The following UBE4B variants were observed in gnomAD, a reference collection of about 807,000 sequenced individuals.
UBE4B encodes the protein ubiquitin conjugation factor E4 B.
In UBE4B, 27 loss-of-function variants were observed where a neutral mutation model predicts 148.1. That is an observed-to-expected ratio of 0.18 (90% confidence interval 0.13 to 0.25). UBE4B has a LOEUF of 0.25. Among genes scored for constraint, UBE4B ranks in the 10% least tolerant of loss-of-function variants. The probability of loss-of-function intolerance (pLI) is 1.00; values close to 1 mark genes in which losing one functional copy is unlikely to be tolerated. For synonymous variants in UBE4B, 596 were observed against 619.3 expected, an observed-to-expected ratio of 0.96 and a Z score of 0.56; for missense variants, 1,170 against 1,662.4, an observed-to-expected ratio of 0.70 and a Z score of 5.15.
At chr1:10,067,201 G>A (rs900652670) in intron 1 of UBE4B, among the ~76,000 whole-genome samples, 1 of 152,118 alleles carries the variant, frequency 6.6e-6, no homozygotes, top group African/African-American at 2.4e-5. Flanking sequence ...CATCAGGAAC[G>A]TGAGGGTGGG....
intron 2 of UBE4B, among the ~76,000 whole-genome samples, chr1:10,092,281 G>A (rs1014981870): frequency 2.0e-5 from 3 of 152,044 alleles, no homozygotes; most frequent in African/African-American, 4.8e-5. Flanking sequence ...CCGGAGTGCC[G>A]TGGCACGATC....
intron 17 of UBE4B, among the ~76,000 whole-genome samples, chr1:10,138,131 TCTGTAGTCCAGG>T (rs1290063908): frequency 2.0e-5 from 3 of 149,500 alleles, no homozygotes; most frequent in Admixed American, 6.7e-5. Context: ...GGAGTCTCAC[TCTGTAGTCCAGG>T]CTGGAGTCCA....
chr1:10,046,104 G>C (rs1386238485), intron 1 of UBE4B, among the ~76,000 whole-genome samples: 1 of 152,188 alleles, frequency 6.6e-6, no homozygotes, highest in Non-Finnish European at 1.5e-5. Context: ...TGGCCAGAGA[G>C]GGGAGGGGAG....
rs764465279 is a variant in UBE4B, at chr1:10,132,443, G to A, written c.1986G>A (p.Ala662=). 5.6e-6 allele frequency: 9 copies of A among 1,614,060 alleles called. No homozygotes were observed. Among genetic ancestry groups the A allele is most frequent in the East Asian group, 2.2e-5 (1 of 44,898 alleles). ...ETREAALSYM[A]AVVNANMKKA... is the part of the protein sequence containing the mutation. Reference sequence around the variant, plus strand: ...GTGAGGCTGCTCTCAGTTACATGGCGGCTGTCGTCAATGCCAATATGAAGA... The same window carrying A: ...GTGAGGCTGCTCTCAGTTACATGGCAGCTGTCGTCAATGCCAATATGAAGA... Residue 662 remains alanine, a synonymous_variant, in exon 15 of 28, where the codon GCG becomes GCA. Transcript: ENST00000343090.
At chr1:10,160,928 G>A (rs896413825) in intron 22 of UBE4B, among the ~76,000 whole-genome samples, 19 of 152,140 alleles carry the variant, frequency 1.2e-4, no homozygotes, top group East Asian at 1.2e-3. Flanking sequence ...GGGCGACAGA[G>A]TGAGACCCTG....
chr1:10,043,894 C>T (rs1037814949), intron 1 of UBE4B, among the ~76,000 whole-genome samples: 1 of 152,150 alleles, frequency 6.6e-6, no homozygotes, highest in Non-Finnish European at 1.5e-5. Context: ...AAATGCCTTC[C>T]AAACAATTAC....
Position 10,122,074 on chromosome 1 carries a change from C to A in UBE4B, c.1552C>A (p.Gln518Lys). 1 of 1,607,292 alleles carries A rather than the reference C, an allele frequency of 6.2e-7. No individual in the cohort carries two copies. Among genetic ancestry groups the A allele is most frequent in the East Asian group, 2.2e-5 (1 of 44,760 alleles). The change falls in exon 10 of 28, where the codon CAG becomes AAG. Residue 518 changes from glutamine (Q) to lysine (K), a missense_variant and splice_region_variant. By Grantham distance (53) the Gln-to-Lys change is moderately conservative. This residue lies in a region of UBE4B where 388 missense variants were observed against 536.0 expected (regional missense o/e 0.72). Transcript: ENST00000343090. The stretch of plus-strand genomic sequence containing the variant: ...TCACCAGGATGAAGAAGTGTTCAAG[C>A]AGGTACGGTCGTATGAGTTTGCTCT... ...TTHQDEEVFK[Q>K]IFIPILQGLA...
chr1:10,060,765 ATT>A (rs879934407), intron 1 of UBE4B, among the ~76,000 whole-genome samples: 3 of 145,056 alleles, frequency 2.1e-5, no homozygotes, highest in East Asian at 2.0e-4. Context: ...ATTCTGGACA[ATT>A]TTTTTTTTTT....
In UBE4B at chr1:10,105,625, G is replaced by A. The variant is rs1433213967; in HGVS notation, c.690G>A (p.Gln230=). The A allele has an allele frequency of 6.2e-7, 1 of 1,614,194 alleles. No homozygotes were observed. The highest frequency in any genetic ancestry group is 8.5e-7 in the Non-Finnish European group (1 of 1,180,040). ...NPFASLTATS[Q]PIAAAARSPD... ...TTGCCAGTCTGACAGCCACATCACAGCCAATTGCTGCAGCAGCACGGTCAC... is the reference window on the plus strand; with the variant it reads ...TTGCCAGTCTGACAGCCACATCACAACCAATTGCTGCAGCAGCACGGTCAC... The change falls in exon 6 of 28, where the codon CAG becomes CAA. Residue 230 remains glutamine (Q), a synonymous_variant. Transcript: ENST00000343090.
chr1:10,162,162 C>A (rs1471017181), intron 23 of UBE4B, among the ~76,000 whole-genome samples: 1 of 151,742 alleles, frequency 6.6e-6, no homozygotes, highest in African/African-American at 2.4e-5. Context: ...CCACACCTGG[C>A]TAGTTTTTGT....
At chr1:10,043,700 T>A (rs1006359398) in intron 1 of UBE4B, among the ~76,000 whole-genome samples, 8 of 152,146 alleles carry the variant, frequency 5.3e-5, no homozygotes, top group Non-Finnish European at 8.8e-5. Flanking sequence ...AGTGCTGGGA[T>A]TACAGGCGTG....
intron 20 of UBE4B, among the ~76,000 whole-genome samples, chr1:10,151,025 T>C (rs889198888): frequency 6.6e-6 from 1 of 151,272 alleles, no homozygotes; most frequent in Non-Finnish European, 1.5e-5. Context: ...TAGCCGGGCA[T>C]GGTGGCAGGT....
At chr1:10,035,204 G>C (rs1443788285) in intron 1 of UBE4B, among the ~76,000 whole-genome samples, 1 of 150,658 alleles carries the variant, frequency 6.6e-6, no homozygotes, top group African/African-American at 2.4e-5. Context: ...TCACCATGTT[G>C]GCCAGGATGG....
At chr1:10,155,969 G>A (rs116800840) in intron 21 of UBE4B, among the ~76,000 whole-genome samples, 17 of 151,350 alleles carry the variant, frequency 1.1e-4, no homozygotes, top group Non-Finnish European at 2.5e-4. Flanking sequence ...GGTGGAGGTC[G>A]CAGTGAGCCA....
In UBE4B at chr1:10,143,595, C is replaced by T. The variant is rs190992511; in HGVS notation, c.2364-1345C>T. 3.3e-5 allele frequency among the ~76,000 whole-genome samples: 5 copies of T among 152,280 alleles called. No individual in the cohort carries two copies. The East Asian group carries it at 9.6e-4, about 29-fold the overall frequency. ...TACCCTTAATCACATCTACAACGTC[C>T]CTTTCGCCATGGGAGATCACATGTT... On this transcript the variant is annotated intron_variant, in intron 17 of 27. Transcript: ENST00000343090.
intron 20 of UBE4B, among the ~76,000 whole-genome samples, chr1:10,150,914 C>T (rs1451626935): frequency 6.7e-6 from 1 of 149,028 alleles, no homozygotes; most frequent in African/African-American, 2.5e-5. Flanking sequence ...GTAATCCCAC[C>T]ATTTTGGGAG....
In UBE4B at chr1:10,168,905, A is replaced by G. The variant is rs1014027355; in HGVS notation, c.3333+635A>G. 1.2e-4 allele frequency among the ~76,000 whole-genome samples: 18 copies of G among 151,416 alleles called. No homozygotes were observed. Among genetic ancestry groups the G allele is most frequent in the African/African-American group, 3.1e-4 (13 of 41,322 alleles). On this transcript the variant is annotated intron_variant, in intron 24 of 27. Transcript: ENST00000343090. This position sits in a 1 kb window ranked among gnomAD's most constrained non-coding sequence, Gnocchi z 4.9. The stretch of plus-strand genomic sequence containing the variant: ...AGACTCCATCTCAAAAAAAAAAAAA[A>G]AAGAAGAAGAAAAAGCATAAGGTAA...
At chr1:10,110,361 C>T (rs747568900) in intron 7 of UBE4B, among the ~76,000 whole-genome samples, 5 of 152,004 alleles carry the variant, frequency 3.3e-5, no homozygotes, top group South Asian at 2.1e-4. Flanking sequence ...CTGCTTTTTG[C>T]GCGAGTGGCA....
intron 2 of UBE4B, among the ~76,000 whole-genome samples, chr1:10,092,280 C>A (rs1005151851): frequency 6.6e-6 from 1 of 151,886 alleles, no homozygotes; most frequent in Non-Finnish European, 1.5e-5. Flanking sequence ...GCCGGAGTGC[C>A]GTGGCACGAT....
Sources: allele counts gnomAD v4.1 joint callset (sites outside exome capture counted in the v4.1 genomes callset), GRCh38; gene constraint gnomAD v4.1.1; regional missense constraint gnomAD v4.1.1; non-coding constraint Gnocchi (gnomAD v3.1); transcripts MANE v1.5; gene names NCBI Gene and HGNC (gene_info 2026-07-23, HGNC 2026-07-21).